RIMBP2: variants seen among roughly 807,000 people sequenced by gnomAD.
RIMBP2 encodes the protein RIMS-binding protein 2.
RIMBP2 carries 48 observed loss-of-function variants against 118.6 expected under a neutral mutation model. The ratio of observed to expected loss-of-function variants is 0.40; its 90% CI spans 0.32 to 0.51. The LOEUF is 0.51. Among genes scored for constraint, RIMBP2 ranks in the 20% least tolerant of loss-of-function variants. RIMBP2 has a pLI of 0.41. For missense variants in RIMBP2, 1,551 were observed against 1,768.3 expected (o/e 0.88, Z 2.20); for synonymous variants, 762 against 742.9 (o/e 1.03, Z -0.42).
chr12:130,540,827 CAGT>C (rs767398710), intron 2 of RIMBP2, among the ~76,000 whole-genome samples: 5 of 152,154 alleles, frequency 3.3e-5, no homozygotes, highest in Non-Finnish European at 5.9e-5. Flanking sequence ...GCGTGGTGAG[CAGT>C]AGGACCTAGA....
rs141036902 is a variant in RIMBP2, at chr12:130,463,986, G to A, written c.153+6707C>T. On this transcript the variant is annotated intron_variant, in intron 6 of 22. Transcript: ENST00000690449. ...GCTGCTAAAAGACACTCCCCTCAGCGCCATGACAGTTTACAGACGCCAAGG... is the reference window on the plus strand; with the variant it reads ...GCTGCTAAAAGACACTCCCCTCAGCACCATGACAGTTTACAGACGCCAAGG... Among the ~76,000 whole-genome samples, 444 of 152,152 alleles carry A rather than the reference G, an allele frequency of 2.9e-3. 3 individuals carry two copies. The highest frequency in any genetic ancestry group is 9.9e-3 in the African/African-American group (412 of 41,518).
At chr12:130,566,708 A>T (rs2057245821) in intron 2 of RIMBP2, among the ~76,000 whole-genome samples, 1 of 152,244 alleles carries the variant, frequency 6.6e-6, no homozygotes, top group East Asian at 1.9e-4. Flanking sequence ...GAGAAGCTGA[A>T]GCCAGACCAG....
intron 5 of RIMBP2, among the ~76,000 whole-genome samples, chr12:130,472,731 G>A (rs932105543): frequency 6.6e-6 from 1 of 152,136 alleles, no homozygotes; most frequent in Non-Finnish European, 1.5e-5. Context: ...CCCAGCCAAG[G>A]GGAAATCTGC....
At chr12:130,529,667 CAA>C (rs1197538166) in intron 2 of RIMBP2, among the ~76,000 whole-genome samples, 4 of 152,270 alleles carry the variant, frequency 2.6e-5, no homozygotes, top group Admixed American at 1.3e-4. Flanking sequence ...AACCTCCCAG[CAA>C]AAGAGTCTGA....
intron 1 of RIMBP2, among the ~76,000 whole-genome samples, chr12:130,680,497 A>G (rs368123835): frequency 2.0e-5 from 3 of 152,216 alleles, no homozygotes. Flanking sequence ...ACACACACTC[A>G]GATACACACA....
intron 1 of RIMBP2, among the ~76,000 whole-genome samples, chr12:130,636,321 T>C (rs1380738446): frequency 6.6e-6 from 1 of 152,184 alleles, no homozygotes; most frequent in Non-Finnish European, 1.5e-5. Flanking sequence ...AGATTCCTAA[T>C]TTCCTAACTA....
At chr12:130,672,172 CT>C (rs1566445166) in intron 1 of RIMBP2, among the ~76,000 whole-genome samples, 2 of 152,210 alleles carry the variant, frequency 1.3e-5, no homozygotes, top group African/African-American at 4.8e-5. Flanking sequence ...AGATAATTCC[CT>C]TTTAAACCCT....
intron 14 of RIMBP2, among the ~76,000 whole-genome samples, chr12:130,430,846 G>C (rs962208577): frequency 6.6e-6 from 1 of 151,926 alleles, no homozygotes. Context: ...GGCCTGGCTG[G>C]TCTCAAACTC....
At chr12:130,413,269 C>G (rs1168819301) in intron 18 of RIMBP2, among the ~76,000 whole-genome samples, 1 of 152,112 alleles carries the variant, frequency 6.6e-6, no homozygotes, top group Non-Finnish European at 1.5e-5. Context: ...GTTCAAGGCC[C>G]TCTTTCTTTC....
At chr12:130,504,013 G>A (rs769502537) in intron 4 of RIMBP2, among the ~76,000 whole-genome samples, 1 of 152,200 alleles carries the variant, frequency 6.6e-6, no homozygotes, top group Non-Finnish European at 1.5e-5. Context: ...ACTCAAATCA[G>A]GTTAAATATC....
chr12:130,424,718 C>T lies in RIMBP2; in HGVS notation c.2553G>A (p.Gln851=). 1.6e-6 allele frequency: 2 copies of T among 1,232,292 alleles called. No homozygotes were observed. The highest frequency in any genetic ancestry group is 1.0e-6 in the Non-Finnish European group (1 of 988,052). 76.3% of individuals were successfully genotyped at this position (1,232,292 alleles called of 1,614,324 possible). A position where few individuals can be genotyped will look rare whatever the true frequency, so the allele number is the denominator to read the frequency against. The change falls in exon 16 of 23, where the codon CAG becomes CAA. Residue 851 remains glutamine, a synonymous_variant. Coordinates refer to ENST00000690449, the MANE Select transcript of RIMBP2 (RefSeq NM_001393629.1). This position sits in a 1 kb window ranked among gnomAD's most constrained non-coding sequence, Gnocchi z 9.8. The stretch of plus-strand genomic sequence containing the variant: ...TGGCCCTGGGGGACGGCCCTGCACC[C>T]TGCTTGTGTAGCAGCCCACAGCACT... The part of the protein sequence containing the change: ...DGECCGLLHK[Q]GAGPSPRART...
intron 4 of RIMBP2, among the ~76,000 whole-genome samples, chr12:130,484,905 T>C (rs2082352330): frequency 6.6e-6 from 1 of 152,264 alleles, no homozygotes; most frequent in African/African-American, 2.4e-5. Flanking sequence ...TTTGGATTAA[T>C]TTTTCAACAC....
At chr12:130,569,437 G>A (rs995263267) in intron 2 of RIMBP2, among the ~76,000 whole-genome samples, 1 of 152,182 alleles carries the variant, frequency 6.6e-6, no homozygotes, top group Non-Finnish European at 1.5e-5. Flanking sequence ...GAAAGCTGGG[G>A]CTGAGCCACG....
At chr12:130,476,446 C>T (rs2081435379) in intron 5 of RIMBP2, among the ~76,000 whole-genome samples, 1 of 152,170 alleles carries the variant, frequency 6.6e-6, no homozygotes. Context: ...ATCCGTGCCT[C>T]ATGGTGCAGG....
rs533270729 is a variant in RIMBP2, at chr12:130,546,681, G to A, written c.-216-28764C>T. The stretch of plus-strand genomic sequence containing the variant: ...AGACAACCTTCTTTTCATGCAAAAC[G>A]AAATCTCCCATGTCTAGAAGAAGGC... On this transcript the variant is annotated intron_variant, in intron 2 of 22. Transcript: ENST00000690449. 8.5e-5 allele frequency among the ~76,000 whole-genome samples: 13 copies of A among 152,242 alleles called. No homozygotes were observed. In the South Asian group the frequency reaches 2.3e-3, roughly 27 times the overall value.
chr12:130,672,531 G>T (rs866739777), intron 1 of RIMBP2, among the ~76,000 whole-genome samples: 1 of 152,308 alleles, frequency 6.6e-6, no homozygotes, highest in South Asian at 2.1e-4. Context: ...TTTGCAGAGG[G>T]GAACAGCCTC....
chr12:130,618,941 G>C (rs1347992099), intron 2 of RIMBP2, among the ~76,000 whole-genome samples: 2 of 152,120 alleles, frequency 1.3e-5, no homozygotes, highest in African/African-American at 4.8e-5. Flanking sequence ...CCTCTGTCCA[G>C]ACTTTCATCA....
At chr12:130,599,519 A>G (rs1392328161) in intron 2 of RIMBP2, among the ~76,000 whole-genome samples, 1 of 152,256 alleles carries the variant, frequency 6.6e-6, no homozygotes, top group Non-Finnish European at 1.5e-5. Context: ...GAGCAATAGC[A>G]TTAGTCACTG....
At chr12:130,591,886 A>G (rs150864699) in intron 2 of RIMBP2, among the ~76,000 whole-genome samples, 12 of 152,302 alleles carry the variant, frequency 7.9e-5, no homozygotes, top group Non-Finnish European at 1.6e-4. Flanking sequence ...CTGAAACTCA[A>G]AGTTAACTGT....
Sources: gnomAD v4.1 joint callset for allele counts (sites outside exome capture counted in the v4.1 genomes callset) on GRCh38, gnomAD v4.1.1 for gene constraint, Gnocchi (gnomAD v3.1) non-coding constraint, MANE v1.5 for transcripts, NCBI Gene and HGNC (gene_info 2026-07-23, HGNC 2026-07-21) for gene names.